The following KATNAL2 variants were observed in gnomAD, a reference collection of about 807,000 sequenced individuals.
The protein encoded by KATNAL2 is katanin catalytic subunit A1 like 2.
In KATNAL2, 52 loss-of-function variants were observed where a neutral mutation model predicts 76.3. That is an observed-to-expected ratio of 0.68 (90% confidence interval 0.55 to 0.86). KATNAL2 has a LOEUF of 0.86. KATNAL2 is among the 40% of genes least tolerant of loss of function. The pLI is 0.00. For synonymous variants in KATNAL2, 243 were observed against 244.2 expected (o/e 1.00, Z 0.05); for missense variants, 660 against 668.9 (o/e 0.99, Z 0.15).
chr18:47,035,581 C>A, intron 3 of KATNAL2: 1 of 559,250 alleles, frequency 1.8e-6, no homozygotes, highest in Non-Finnish European at 3.3e-6. Context: ...TTATGTAGCC[C>A]ATCCCAGGCT....
chr18:47,064,404 G>A (rs1176026426), intron 10 of KATNAL2, among the ~76,000 whole-genome samples: 1 of 152,156 alleles, frequency 6.6e-6, no homozygotes, highest in African/African-American at 2.4e-5. Flanking sequence ...GGAGTGGTGG[G>A]GAACGGGTGG....
At chr18:47,031,389 T>C (rs1382645495) in intron 3 of KATNAL2, among the ~76,000 whole-genome samples, 2 of 152,136 alleles carry the variant, frequency 1.3e-5, no homozygotes, top group Non-Finnish European at 2.9e-5. Context: ...ATTTTTAATT[T>C]CTCGTGTGAC....
At position 46,918,447 on chromosome 18, in the gene KATNAL2, C is replaced by G. The variant is rs187811742; in HGVS notation, c.-510+521C>G. Among the ~76,000 whole-genome samples, 600 of 152,300 alleles carry G rather than the reference C, an allele frequency of 3.9e-3. 3 individuals carry two copies. The highest frequency in any genetic ancestry group is 0.014 in the African/African-American group (586 of 41,566). On this transcript the variant is annotated intron_variant, in intron 1 of 17. Coordinates refer to ENST00000683218, the MANE Select transcript of KATNAL2 (RefSeq NM_001387690.1). Reference sequence around the variant, plus strand: ...GGTCTTCCTTCCACTCCCCTGCCCCCGCACCCCGCAAGTTTTGTTTTTTTG... The same window carrying G: ...GGTCTTCCTTCCACTCCCCTGCCCCGGCACCCCGCAAGTTTTGTTTTTTTG...
intron 7 of KATNAL2, among the ~76,000 whole-genome samples, chr18:47,059,219 C>T (rs1302299019): frequency 6.6e-6 from 1 of 152,150 alleles, no homozygotes; most frequent in Non-Finnish European, 1.5e-5. Flanking sequence ...AACTCAGCCA[C>T]TCCTGGCCAA....
chr18:47,071,953 CTTTTT>C (rs574265545), intron 13 of KATNAL2, among the ~76,000 whole-genome samples: 10,492 of 43,788 alleles, frequency 0.24, 1,762 homozygotes, highest in Non-Finnish European at 0.29. Flanking sequence ...CCAATTTCTT[CTTTTT>C]TTTTTTTTTT....
At chr18:47,055,540 C>T (rs1422438810) in intron 6 of KATNAL2, among the ~76,000 whole-genome samples, 1 of 152,200 alleles carries the variant, frequency 6.6e-6, no homozygotes, top group South Asian at 2.1e-4. Flanking sequence ...GCACGCTCCA[C>T]GATCCTACTT....
intron 15 of KATNAL2, among the ~76,000 whole-genome samples, chr18:47,092,158 G>A (rs368769307): frequency 3.9e-5 from 6 of 152,024 alleles, no homozygotes; most frequent in Non-Finnish European, 7.4e-5. Context: ...ACTGCTGAAC[G>A]GCACTGAATT....
At chr18:47,038,780 G>A (rs1767515059) in intron 3 of KATNAL2, among the ~76,000 whole-genome samples, 1 of 152,178 alleles carries the variant, frequency 6.6e-6, no homozygotes, top group Non-Finnish European at 1.5e-5. Flanking sequence ...ATAGACAATA[G>A]TTAAGGTGGT....
At chr18:47,058,542 T>C (rs1454668997) in intron 7 of KATNAL2, among the ~76,000 whole-genome samples, 190 bp downstream of exon 7, 2 of 152,238 alleles carry the variant, frequency 1.3e-5, no homozygotes, top group Non-Finnish European at 2.9e-5. Context: ...TTCCTAATGT[T>C]TCTTAACTTG....
chr18:46,952,998 G>T (rs1275969724), intron 3 of KATNAL2, among the ~76,000 whole-genome samples: 1 of 145,532 alleles, frequency 6.9e-6, no homozygotes, highest in Non-Finnish European at 1.5e-5. Flanking sequence ...AGGTTCAACC[G>T]ATTCTCCTGA....
chr18:47,055,849 T>C (rs1418622273), intron 6 of KATNAL2, among the ~76,000 whole-genome samples: 4 of 152,214 alleles, frequency 2.6e-5, no homozygotes, highest in Admixed American at 2.0e-4. Flanking sequence ...CGTGGCACAT[T>C]TGACAGTGTG....
At chr18:47,056,185 A>T (rs1168197936) in intron 6 of KATNAL2, among the ~76,000 whole-genome samples, 1 of 152,234 alleles carries the variant, frequency 6.6e-6, no homozygotes, top group East Asian at 1.9e-4. Flanking sequence ...GATGGGTTCA[A>T]AGTAACAAGA....
chr18:47,087,129 G>A (rs1158056218), intron 15 of KATNAL2, among the ~76,000 whole-genome samples: 1 of 152,028 alleles, frequency 6.6e-6, no homozygotes, highest in African/African-American at 2.4e-5. Context: ...ATCATCTTTT[G>A]CTTCCATATC....
intron 15 of KATNAL2, among the ~76,000 whole-genome samples, chr18:47,094,088 T>A (rs1820764226): frequency 1.3e-5 from 2 of 152,186 alleles, no homozygotes; most frequent in Admixed American, 6.5e-5. Context: ...ATGAACAGAT[T>A]AATGCCATTA....
chr18:46,951,591 T>C (rs1241566754), intron 3 of KATNAL2, among the ~76,000 whole-genome samples: 1 of 151,900 alleles, frequency 6.6e-6, no homozygotes, highest in East Asian at 1.9e-4. Context: ...CTTCTTGCCC[T>C]ATATCCCTCT....
At chr18:47,031,492 A>T (rs963677327) in intron 3 of KATNAL2, among the ~76,000 whole-genome samples, 1 of 152,004 alleles carries the variant, frequency 6.6e-6, no homozygotes, top group Non-Finnish European at 1.5e-5. Context: ...ATGCCCTGAG[A>T]ATCGGGGAAT....
intron 3 of KATNAL2, among the ~76,000 whole-genome samples, chr18:46,962,116 C>A (rs1404033361): frequency 6.6e-6 from 1 of 150,612 alleles, no homozygotes; most frequent in African/African-American, 2.5e-5. Context: ...GATTTTGGCT[C>A]AGCCCTCTAA....
At position 47,034,760 on chromosome 18, in the gene KATNAL2, G is replaced by A. The variant is rs148724194; in HGVS notation, c.52-11697G>A. The stretch of plus-strand genomic sequence containing the variant: ...GGAGCTGTGCGCGTTGGAGAGGCCC[G>A]ATAGCGGCCGGAATCAGCTGGGGCT... On this transcript the variant is annotated intron_variant, in intron 3 of 17. Transcript: ENST00000683218. 3 of 1,612,702 alleles carry A rather than the reference G, an allele frequency of 1.9e-6. 1 individual carries two copies. The highest frequency in any genetic ancestry group is 2.5e-6 in the Non-Finnish European group (3 of 1,179,742).
At chr18:47,084,533 C>A in intron 15 of KATNAL2, 1 of 620,952 alleles carries the variant, frequency 1.6e-6, no homozygotes. Flanking sequence ...TTTCCCCCAG[C>A]AGGGTTGCTC....
Sources: allele counts gnomAD v4.1 joint callset (sites outside exome capture counted in the v4.1 genomes callset), GRCh38; gene constraint gnomAD v4.1.1; transcripts MANE v1.5; gene names NCBI Gene and HGNC (gene_info 2026-07-23, HGNC 2026-07-21).